The following HSPA12A variants were observed in gnomAD, a reference collection of about 807,000 sequenced individuals.
The protein encoded by HSPA12A is heat shock 70 kDa protein 12A.
HSPA12A carries 28 observed loss-of-function variants against 69.2 expected under a neutral mutation model. That is an observed-to-expected ratio of 0.40 (90% CI 0.30 to 0.55). The LOEUF (loss-of-function observed/expected upper bound fraction) is 0.55, where lower values mean the gene tolerates loss of function less well. Among genes scored for constraint, HSPA12A ranks in the 20% least tolerant of loss-of-function variants. The pLI is 0.38. For missense variants in HSPA12A, 686 were observed against 900.7 expected (o/e 0.76, Z 3.05); for synonymous variants, 345 against 370.5 (o/e 0.93, Z 0.79).
At chr10:116,765,810 T>C (rs1422246886) in intron 2 of HSPA12A, among the ~76,000 whole-genome samples, 1 of 152,196 alleles carries the variant, frequency 6.6e-6, no homozygotes, top group African/African-American at 2.4e-5. Flanking sequence ...TCACCCAGTG[T>C]TCCCAGTCTT....
intron 2 of HSPA12A, among the ~76,000 whole-genome samples, chr10:116,802,758 G>C (rs1613311): frequency 0.82 from 124,274 of 152,200 alleles, 52,947 homozygotes; most frequent in Non-Finnish European, 0.93. Flanking sequence ...ACCTCTCCCT[G>C]GCAGGGCCTT....
chr10:116,778,166 C>G (rs963342924), intron 2 of HSPA12A, among the ~76,000 whole-genome samples: 2 of 152,230 alleles, frequency 1.3e-5, no homozygotes, highest in Non-Finnish European at 2.9e-5. Flanking sequence ...AGGGGAGGTA[C>G]ATGCCCTGAC....
At chr10:116,807,122 G>A (rs754751355) in intron 2 of HSPA12A, among the ~76,000 whole-genome samples, 3 of 151,962 alleles carry the variant, frequency 2.0e-5, no homozygotes, top group Non-Finnish European at 4.4e-5. Context: ...CACCAGAACT[G>A]GAAGAGAGTA....
Position 116,707,208 on chromosome 10 carries a change from G to T in HSPA12A, c.118C>A (p.His40Asn). Residue 40 changes from histidine (H) to asparagine (N), a missense_variant, in exon 2 of 12, where the codon CAT becomes AAT. Coordinates refer to ENST00000369209, the MANE Select transcript of HSPA12A (RefSeq NM_025015.3). ...DTGITPLSPS[H>N]IVNDTDSNVS... is the part of the protein sequence containing the mutation. The stretch of plus-strand genomic sequence containing the variant: ...ACACACACACTTCTTACCACAATAT[G>T]GGAGGGGGACAGAGGCGTTATTCCT... The T allele has an allele frequency of 6.2e-7, 1 of 1,606,152 alleles. No individual in the cohort carries two copies.
chr10:116,744,376 G>A (rs1474895163), upstream of HSPA12A, among the ~76,000 whole-genome samples: 2 of 152,166 alleles, frequency 1.3e-5, no homozygotes, highest in Non-Finnish European at 2.9e-5. Flanking sequence ...CAAGGCACTC[G>A]TTCCTCCCCA....
chr10:116,681,897 A>T lies in HSPA12A; in HGVS notation c.836-20T>A. On this transcript the variant is annotated intron_variant, in intron 7 of 11. Transcript: ENST00000369209. Reference sequence around the variant, plus strand: ...CCTTAGCTAGTGGCCGACAGAAAGAAAATGATGACGGGTAAGAAAGCATGA... The same window carrying T: ...CCTTAGCTAGTGGCCGACAGAAAGATAATGATGACGGGTAAGAAAGCATGA... 1 of 1,609,430 alleles carries T rather than the reference A, an allele frequency of 6.2e-7. No individual in the cohort carries two copies. The highest frequency in any genetic ancestry group is 1.1e-5 in the South Asian group (1 of 90,922).
chr10:116,827,331 C>T (rs941787679), intron 2 of HSPA12A, among the ~76,000 whole-genome samples: 7 of 152,206 alleles, frequency 4.6e-5, no homozygotes, highest in Non-Finnish European at 5.9e-5. Context: ...CAAGGTCTCC[C>T]GTGTCCAGGC....
intron 1 of HSPA12A, among the ~76,000 whole-genome samples, chr10:116,728,961 G>A (rs193219893): frequency 2.0e-5 from 3 of 152,216 alleles, no homozygotes; most frequent in Non-Finnish European, 2.9e-5. Context: ...TAAGCCTCCC[G>A]GGGCAAGGGC....
chr10:116,796,487 G>GTCCC (rs1361440364), intron 2 of HSPA12A, among the ~76,000 whole-genome samples: 1 of 152,082 alleles, frequency 6.6e-6, no homozygotes, highest in Non-Finnish European at 1.5e-5. Context: ...ACCCCACGCT[G>GTCCC]TCCCTGCCCC....
In HSPA12A at chr10:116,681,149, C is replaced by T; in HGVS notation, c.1027+3G>A. On this transcript the variant is annotated splice_donor_region_variant and intron_variant, in intron 9 of 11. Coordinates refer to ENST00000369209, the MANE Select transcript of HSPA12A (RefSeq NM_025015.3). ...TAAGAAAATTAGCCCTGCAGGGCCTCACCTGTTGCTTTATACAGTTCCTTA... is the reference window on the plus strand; with the variant it reads ...TAAGAAAATTAGCCCTGCAGGGCCTTACCTGTTGCTTTATACAGTTCCTTA... 6.2e-6 allele frequency: 10 copies of T among 1,607,600 alleles called. No homozygotes were observed. The highest frequency in any genetic ancestry group is 8.5e-6 in the Non-Finnish European group (10 of 1,174,064).
chr10:116,750,088 C>T (rs10787728), intron 2 of HSPA12A: 296,826 of 387,742 alleles, frequency 0.77, 118,636 homozygotes, highest in South Asian at 0.86. Context: ...GTGTTTGTCA[C>T]ATTGCTTATG....
intron 1 of HSPA12A, among the ~76,000 whole-genome samples, chr10:116,840,743 T>G (rs1463964060): frequency 6.6e-6 from 1 of 152,228 alleles, no homozygotes; most frequent in African/African-American, 2.4e-5. Context: ...TCCTGCCTTG[T>G]GTGTTTCACT....
In HSPA12A at chr10:116,704,529, G is replaced by A. The variant is rs1421296275; in HGVS notation, c.254+622C>T. On this transcript the variant is annotated intron_variant, in intron 3 of 11. Coordinates refer to ENST00000369209, the MANE Select transcript of HSPA12A (RefSeq NM_025015.3). ...AATGCTAAATGACGAGTTAATGGGT[G>A]CAGCACACCAACATGGCACATGTAT... Among the ~76,000 whole-genome samples the A allele has an allele frequency of 1.4e-4, 21 of 152,090 alleles. No individual in the cohort carries two copies. The East Asian group carries it at 2.9e-3, about 21-fold the overall frequency.
intron 2 of HSPA12A, among the ~76,000 whole-genome samples, chr10:116,796,814 G>A (rs1481350163): frequency 6.6e-6 from 1 of 152,146 alleles, no homozygotes; most frequent in African/African-American, 2.4e-5. Flanking sequence ...GGCTGAGGGT[G>A]ACTGACCTTT....
At chr10:116,804,058 G>C (rs979067020) in intron 2 of HSPA12A, among the ~76,000 whole-genome samples, 2 of 151,996 alleles carry the variant, frequency 1.3e-5, no homozygotes, top group Non-Finnish European at 2.9e-5. Context: ...GTCTTGCAAC[G>C]GCCCCTCTGT....
At position 116,842,830 on chromosome 10, in the gene HSPA12A, C is replaced by T. The variant is rs537647843; in HGVS notation, c.3+6736G>A. ...CTTGTCCAGGCTGGTTTTGAACTCCCGATCCACCTGCCTCAGCCTCCCAAA... is the reference window on the plus strand; with the variant it reads ...CTTGTCCAGGCTGGTTTTGAACTCCTGATCCACCTGCCTCAGCCTCCCAAA... On this transcript the variant is annotated intron_variant, in intron 1 of 12. Transcript: ENST00000635765. Among the ~76,000 whole-genome samples, 8 of 152,194 alleles carry T rather than the reference C, an allele frequency of 5.3e-5. No homozygotes were observed. The South Asian group carries it at 1.0e-3, about 20-fold the overall frequency.
At chr10:116,692,815 G>C (rs561779698) in intron 5 of HSPA12A, among the ~76,000 whole-genome samples, 3 of 152,150 alleles carry the variant, frequency 2.0e-5, no homozygotes, top group Non-Finnish European at 4.4e-5. Context: ...AAGCTCCAAC[G>C]ATTGTTGAGA....
intron 6 of HSPA12A, among the ~76,000 whole-genome samples, chr10:116,684,560 T>C (rs1554879254): frequency 2.0e-5 from 3 of 151,900 alleles, no homozygotes; most frequent in Admixed American, 6.6e-5. Flanking sequence ...GTTCCTGAGA[T>C]TTGCCTACTG....
intron 9 of HSPA12A, 40 bp from the exon 10 acceptor site, chr10:116,679,801 C>T (rs781969339): frequency 9.4e-6 from 15 of 1,599,282 alleles, no homozygotes; most frequent in Non-Finnish European, 1.3e-5. Context: ...GTGTTAAAAA[C>T]CATTAGAAAC....
Sources: allele counts gnomAD v4.1 joint callset (sites outside exome capture counted in the v4.1 genomes callset), GRCh38; gene constraint gnomAD v4.1.1; transcripts MANE v1.5; gene names NCBI Gene and HGNC (gene_info 2026-07-23, HGNC 2026-07-21).